Variants in PLCH1 observed in about 807,000 individuals in gnomAD.
PLCH1 encodes 1-phosphatidylinositol 4,5-bisphosphate phosphodiesterase eta-1.
Under a neutral mutation model 126.7 loss-of-function variants are expected in PLCH1, and 60 were observed. The ratio of observed to expected loss-of-function variants is 0.47; its 90% CI spans 0.38 to 0.59. The LOEUF (loss-of-function observed/expected upper bound fraction) is 0.59, where lower values mean the gene tolerates loss of function less well. PLCH1 is among the 20% of genes least tolerant of loss of function. PLCH1 has a pLI of 0.00. For missense variants in PLCH1, 1,723 were observed against 2,040.0 expected (o/e 0.84, Z 2.99); for synonymous variants, 719 against 734.9 (o/e 0.98, Z 0.35).
At chr3:155,570,327 T>A (rs913670056) in intron 6 of PLCH1, among the ~76,000 whole-genome samples, 9 of 152,172 alleles carry the variant, frequency 5.9e-5, no homozygotes, top group African/African-American at 2.2e-4. Context: ...TCACCCTGTT[T>A]TGCTTCCTAT....
intron 6 of PLCH1, among the ~76,000 whole-genome samples, chr3:155,577,097 C>T (rs1730065998): frequency 6.6e-6 from 1 of 151,884 alleles, no homozygotes; most frequent in Non-Finnish European, 1.5e-5. Context: ...GTCTCTAAAA[C>T]AGATTATTAA....
At chr3:155,636,827 A>G (rs1738780836) in intron 2 of PLCH1, among the ~76,000 whole-genome samples, 1 of 152,322 alleles carries the variant, frequency 6.6e-6, no homozygotes, top group South Asian at 2.1e-4. Context: ...ACAAAATGAG[A>G]TAAGTATGCT....
At chr3:155,543,691 C>A (rs939767713) in intron 10 of PLCH1, among the ~76,000 whole-genome samples, 18 of 151,696 alleles carry the variant, frequency 1.2e-4, no homozygotes, top group Non-Finnish European at 1.9e-4. Context: ...GCGGATCTCT[C>A]GGCAGAAACT....
At chr3:155,486,514 T>G (rs1965115) in intron 21 of PLCH1, among the ~76,000 whole-genome samples, 2 of 55,334 alleles carry the variant, frequency 3.6e-5, no homozygotes, top group East Asian at 6.1e-4. Context: ...CTCAAGTTTG[T>G]TTTTTTTTTT....
intron 19 of PLCH1, 80 bp from the exon 20 acceptor site, chr3:155,488,886 G>A (rs1715733629): frequency 7.8e-7 from 1 of 1,282,314 alleles, no homozygotes; most frequent in Admixed American, 2.3e-5. Context: ...CTGCAAAGCA[G>A]ACGGTGAAAA....
intron 2 of PLCH1, among the ~76,000 whole-genome samples, chr3:155,614,766 C>T (rs888333272): frequency 6.6e-6 from 1 of 152,116 alleles, no homozygotes; most frequent in East Asian, 1.9e-4. Context: ...CATTTCTCAT[C>T]TTATACAAAA....
chr3:155,725,707 AG>A (rs1196992858), intron 1 of PLCH1, among the ~76,000 whole-genome samples: 1 of 152,118 alleles, frequency 6.6e-6, no homozygotes, highest in Non-Finnish European at 1.5e-5. Context: ...CCCAAAGTAC[AG>A]GGATTACAGG....
At chr3:155,635,522 T>G (rs6779500) in intron 2 of PLCH1, among the ~76,000 whole-genome samples, 75,033 of 152,158 alleles carry the variant, frequency 0.49, 20,871 homozygotes, top group African/African-American at 0.74. Flanking sequence ...ACCTACCCCT[T>G]CTGAAGGTTA....
intron 11 of PLCH1, 27 bp from the exon 12 acceptor site, chr3:155,514,911 A>G: frequency 6.6e-7 from 1 of 1,508,662 alleles, no homozygotes. Context: ...AACACAAATG[A>G]TTTCCTTAAG....
At chr3:155,492,141 A>G (rs960757516) in intron 18 of PLCH1, among the ~76,000 whole-genome samples, 4 of 152,222 alleles carry the variant, frequency 2.6e-5, no homozygotes, top group African/African-American at 4.8e-5. Context: ...GTAATGGATC[A>G]GCTCTGAGAG....
chr3:155,633,869 G>A lies in PLCH1; in HGVS notation c.80-37491C>T, dbSNP rs550977645. ...CAGTAGGCAGAGTTTGCAATGAGCC[G>A]CACCACTGCACTCCTCCCTCAGCAA... On this transcript the variant is annotated intron_variant, in intron 2 of 22. Transcript: ENST00000460012. Among the ~76,000 whole-genome samples the A allele has an allele frequency of 2.0e-5, 3 of 152,196 alleles. No homozygotes were observed. In the South Asian group the frequency reaches 6.2e-4, roughly 32 times the overall value.
chr3:155,481,534 T>C lies in PLCH1; in HGVS notation c.4492A>G (p.Asn1498Asp), dbSNP rs549416849. 1.2e-6 allele frequency: 2 copies of C among 1,614,166 alleles called. No individual in the cohort carries two copies. The highest frequency in any genetic ancestry group is 2.2e-5 in the East Asian group (1 of 44,880). ...ATACACTGGTACTTGCTCTCAAAAT[T>C]GCAGGCAATGTCCTCTGATGTTAAG... The part of the protein sequence containing the change: ...GDLTSEDIAC[N>D]FESKYQCISK... Residue 1498 changes from asparagine (N) to aspartate (D), a missense_variant, in exon 23 of 23, where the codon AAT becomes GAT. Physicochemically the swap from Asn to Asp is conservative, Grantham distance 23 (BLOSUM62 1). Transcript: ENST00000460012. This position sits in a 1 kb window ranked among gnomAD's most constrained non-coding sequence, Gnocchi z 4.2.
At chr3:155,453,802 AT>A (rs1292146126) in intron 21 of PLCH1, among the ~76,000 whole-genome samples, 1 of 151,366 alleles carries the variant, frequency 6.6e-6, no homozygotes, top group Non-Finnish European at 1.5e-5. Flanking sequence ...ATAAATATGT[AT>A]TTATCTATAG....
intron 1 of PLCH1, among the ~76,000 whole-genome samples, chr3:155,719,793 C>T (rs948976195): frequency 1.3e-5 from 2 of 151,338 alleles, no homozygotes; most frequent in South Asian, 2.1e-4. Context: ...TATAAATATA[C>T]TACATTGTCT....
At chr3:155,470,478 T>A (rs1460118576) in intron 21 of PLCH1, among the ~76,000 whole-genome samples, 1 of 152,090 alleles carries the variant, frequency 6.6e-6, no homozygotes, top group East Asian at 1.9e-4. Context: ...ATGGGGAGAA[T>A]GGAACCAAGT....
chr3:155,565,124 GAAGA>G lies in PLCH1; in HGVS notation c.866-10_866-7del, dbSNP rs1728153304. 2 of 1,602,906 alleles carry G rather than the reference GAAGA, an allele frequency of 1.2e-6. No individual in the cohort carries two copies. The highest frequency in any genetic ancestry group is 1.7e-6 in the Non-Finnish European group (2 of 1,169,898). On this transcript the variant is annotated splice_polypyrimidine_tract_variant and splice_region_variant and intron_variant, in intron 7 of 22. Coordinates refer to ENST00000460012, the MANE Select transcript of PLCH1 (RefSeq NM_014996.4). ...ACGCATGAAGTTCGTGAAGCCTTTG[GAAGA>G]AAGAGAGTGACTTACTACAGCTTTC...
chr3:155,546,345 C>G (rs1419391587), intron 10 of PLCH1, among the ~76,000 whole-genome samples: 1 of 152,112 alleles, frequency 6.6e-6, no homozygotes, highest in African/African-American at 2.4e-5. Context: ...CATGAAAGAC[C>G]TCTTCAAGAA....
intron 21 of PLCH1, among the ~76,000 whole-genome samples, chr3:155,456,335 T>TAA (rs10626251): frequency 0.21 from 28,693 of 135,806 alleles, 2,974 homozygotes; most frequent in East Asian, 0.41. Context: ...GCTAATGAGC[T>TAA]AAAAAAAAAA....
chr3:155,620,998 C>T (rs1357631868), intron 2 of PLCH1, among the ~76,000 whole-genome samples: 1 of 152,178 alleles, frequency 6.6e-6, no homozygotes, highest in Non-Finnish European at 1.5e-5. Context: ...TGACAGACAA[C>T]TCATACAGGA....
Sources: allele counts gnomAD v4.1 joint callset (sites outside exome capture counted in the v4.1 genomes callset), GRCh38; gene constraint gnomAD v4.1.1; non-coding constraint Gnocchi (gnomAD v3.1); transcripts MANE v1.5; gene names NCBI Gene and HGNC (gene_info 2026-07-23, HGNC 2026-07-21).